SLC26A9: variants seen among roughly 807,000 people sequenced by gnomAD.
The protein encoded by SLC26A9 is solute carrier family 26 member 9.
A neutral mutation model predicts 87.1 loss-of-function variants in SLC26A9; 46 were observed. That is an observed-to-expected ratio of 0.53 (90% confidence interval 0.42 to 0.67). The LOEUF is 0.67. Ranked by LOEUF, SLC26A9 falls within the 30% of genes least tolerant of loss-of-function variation. The pLI, the probability that SLC26A9 is intolerant of heterozygous loss-of-function variation, is 0.00. For missense variants in SLC26A9, 927 were observed against 1,018.3 expected (o/e 0.91, Z 1.22); for synonymous variants, 437 against 409.1 (o/e 1.07, Z -0.82).
Position 205,914,838 on chromosome 1 carries a change from GAC to G in SLC26A9, c.*517_*518del. ...GGTCCCTGGGTGCAGAGCTGCCAGA[GAC>G]AGAGTTGAGGCAGCTGGGGAAGGCA... On this transcript the variant is annotated 3_prime_UTR_variant, in exon 21 of 21. Transcript: ENST00000367135. The G allele has an allele frequency of 2.6e-6, 4 of 1,564,770 alleles. No individual in the cohort carries two copies. In the South Asian group the frequency reaches 4.9e-5, roughly 19 times the overall value.
At position 205,914,775 on chromosome 1, in the gene SLC26A9, G is replaced by T; in HGVS notation, c.*582C>A. On this transcript the variant is annotated 3_prime_UTR_variant, in exon 21 of 21. Transcript: ENST00000367135. ...GGGGATGATGGAGGGGGGGCGCATA[G>T]TTACCAAGGCCTAGACTCCTGGGTG... 2 of 1,334,006 alleles carry T rather than the reference G, an allele frequency of 1.5e-6. No individual in the cohort carries two copies. The highest frequency in any genetic ancestry group is 2.1e-6 in the Non-Finnish European group (2 of 970,356). The allele number at this position is 1,334,006 out of a possible 1,614,324, so 82.6% of individuals were successfully genotyped here.
rs984183127 is a variant in SLC26A9 at position 205,932,695 on chromosome 1, G to A, written c.376+7C>T. On this transcript the variant is annotated splice_region_variant and intron_variant, in intron 4 of 20. Transcript: ENST00000367135. ...CATCCTGCCTGCCCAGAGGGGAGAG[G>A]CCTTACCTGGCACCATCTGGTGAAC... 1.3e-6 allele frequency: 2 copies of A among 1,555,816 alleles called. No individual in the cohort carries two copies.
chr1:205,917,020 G>A (rs1225482014), intron 20 of SLC26A9, among the ~76,000 whole-genome samples: 1 of 151,616 alleles, frequency 6.6e-6, no homozygotes, highest in Admixed American at 6.6e-5. Context: ...TGGAACCCGG[G>A]AGGCAGAGGT....
rs769507901 is a variant in SLC26A9 at position 205,915,151 on chromosome 1, G to A, written c.*206C>T. On this transcript the variant is annotated 3_prime_UTR_variant, in exon 21 of 21. Coordinates refer to ENST00000367135, the MANE Select transcript of SLC26A9 (RefSeq NM_052934.4). ...GCTCACCAGACTCTCACTCCTGTAA[G>A]GGTAGCACCCCCCTGCTGCTGAGAG... 12 of 1,613,194 alleles carry A rather than the reference G, an allele frequency of 7.4e-6. No homozygotes were observed. Among genetic ancestry groups the A allele is most frequent in the Non-Finnish European group, 1.0e-5 (12 of 1,179,362 alleles).
intron 20 of SLC26A9, among the ~76,000 whole-genome samples, chr1:205,916,487 C>T (rs1321959927): frequency 6.6e-6 from 1 of 152,240 alleles, no homozygotes; most frequent in African/African-American, 2.4e-5. Context: ...ACGTAAGTTT[C>T]TAAAAGGCAG....
Position 205,920,242 on chromosome 1 carries a change from G to A in SLC26A9, c.2056-12C>T. The A allele has an allele frequency of 6.2e-7, 1 of 1,613,964 alleles. No homozygotes were observed. The highest frequency in any genetic ancestry group is 1.3e-5 in the African/African-American group (1 of 75,056). On this transcript the variant is annotated splice_polypyrimidine_tract_variant and intron_variant, in intron 17 of 20. Transcript: ENST00000367135. ...TAGGTGGAGCTCAGCTAGAAGTGTTGTTGGGGTAGGGAGGCAAAAGGAAAG... is the reference window on the plus strand; with the variant it reads ...TAGGTGGAGCTCAGCTAGAAGTGTTATTGGGGTAGGGAGGCAAAAGGAAAG...
chr1:205,930,467 T>C (rs7512462), intron 5 of SLC26A9, among the ~76,000 whole-genome samples: 57,401 of 152,024 alleles, frequency 0.38, 11,545 homozygotes, highest in South Asian at 0.51. Flanking sequence ...CAGCCCCATC[T>C]CTTTCTCTAC....
At chr1:205,942,715 C>T (rs1373878916) in intron 1 of SLC26A9, among the ~76,000 whole-genome samples, 1 of 152,170 alleles carries the variant, frequency 6.6e-6, no homozygotes, top group Admixed American at 6.5e-5. Flanking sequence ...TTGAGTCGGG[C>T]GTCCCAGGTC....
In SLC26A9 at chr1:205,917,275, C is replaced by T; in HGVS notation, c.2328+8G>A. 6.2e-7 allele frequency: 1 copy of T among 1,613,968 alleles called. No individual in the cohort carries two copies. The highest frequency in any genetic ancestry group is 8.5e-7 in the Non-Finnish European group (1 of 1,179,952). On this transcript the variant is annotated splice_region_variant and intron_variant, in intron 20 of 20. Transcript: ENST00000367135. Reference sequence around the variant, plus strand: ...CTCCCACCCTCACAGCCCCTTCCCTCAGCTCACCTGCTCTAAGTCCCAGTA... The same window carrying T: ...CTCCCACCCTCACAGCCCCTTCCCTTAGCTCACCTGCTCTAAGTCCCAGTA...
chr1:205,931,457 C>A (rs574095850), intron 5 of SLC26A9, among the ~76,000 whole-genome samples: 1 of 84,298 alleles, frequency 1.2e-5, no homozygotes, highest in Non-Finnish European at 2.4e-5. Flanking sequence ...GAGGTGAGCC[C>A]TAACTTGGTT....
At chr1:205,917,220 A>G in intron 20 of SLC26A9, 63 bp downstream of exon 20, 2 of 1,565,100 alleles carry the variant, frequency 1.3e-6, no homozygotes, top group South Asian at 2.2e-5. Flanking sequence ...TGTATTTGAC[A>G]GCGACCCCAT....
chr1:205,928,692 A>G (rs1659180914), intron 8 of SLC26A9, 135 bp downstream of exon 8: 1 of 793,414 alleles, frequency 1.3e-6, no homozygotes, highest in South Asian at 1.7e-5. Context: ...GGTAATAGTA[A>G]TAATTCATAC....
intron 13 of SLC26A9, among the ~76,000 whole-genome samples, chr1:205,923,843 G>T (rs1009023687): frequency 6.6e-6 from 1 of 152,198 alleles, no homozygotes; most frequent in African/African-American, 2.4e-5. Flanking sequence ...AGACCACAGG[G>T]CAGGGGAGAG....
In SLC26A9 at chr1:205,934,905, A is replaced by T. The variant is rs140238775; in HGVS notation, c.125+791T>A. Among the ~76,000 whole-genome samples, 292 of 152,340 alleles carry T rather than the reference A, an allele frequency of 1.9e-3. 2 individuals are homozygous for T. Among genetic ancestry groups the T allele is most frequent in the African/African-American group, 6.7e-3 (280 of 41,580 alleles). ...GTGGGTGATTCCCCCGGCCTGAACC[A>T]GTTCCACCTGCGTCTCCACTTCAGC... On this transcript the variant is annotated intron_variant, in intron 2 of 20. Transcript: ENST00000367135.
At chr1:205,921,152 G>A (rs1658809775) in intron 17 of SLC26A9, among the ~76,000 whole-genome samples, 1 of 152,240 alleles carries the variant, frequency 6.6e-6, no homozygotes, top group Non-Finnish European at 1.5e-5. Context: ...GCCTGATGGT[G>A]TGGGGCACTG....
In SLC26A9 at chr1:205,928,749, T is replaced by C. The variant is rs1403498330; in HGVS notation, c.953+78A>G. ...CGACTGCACTTTCATAGAGTTCATC[T>C]TGTCTCCCTCTCCGAGCTCAGGCCT... is the stretch of plus-strand genomic sequence containing the variant. On this transcript the variant is annotated intron_variant, in intron 8 of 20. Coordinates refer to ENST00000367135, the MANE Select transcript of SLC26A9 (RefSeq NM_052934.4). 3.7e-6 allele frequency: 5 copies of C among 1,355,870 alleles called. No individual in the cohort carries two copies. In the African/African-American group the frequency reaches 5.7e-5, roughly 16 times the overall value. 84.0% of individuals were successfully genotyped at this position (1,355,870 alleles called of 1,614,324 possible).
rs368114995 is a variant in SLC26A9 at position 205,921,546 on chromosome 1, G to T, written c.2055+20C>A. On this transcript the variant is annotated intron_variant, in intron 17 of 20. Transcript: ENST00000367135. Reference sequence around the variant, plus strand: ...GGAGGGGGTGGAGTGGGTGGTGCTTGCTGTTCCCGAGGGCCTCACCTTGGC... The same window carrying T: ...GGAGGGGGTGGAGTGGGTGGTGCTTTCTGTTCCCGAGGGCCTCACCTTGGC... The T allele has an allele frequency of 1.3e-5, 21 of 1,597,746 alleles. No homozygotes were observed. In the African/African-American group the frequency reaches 2.7e-4, roughly 20 times the overall value.
rs774271017 is a variant in SLC26A9, at chr1:205,923,195, T to C, written c.1660A>G (p.Thr554Ala). Residue 554 changes from threonine to alanine, a missense_variant and splice_region_variant, in exon 16 of 21, where the codon ACA (threonine) becomes GCA (alanine). Physicochemically the swap from Thr to Ala is moderately conservative, Grantham distance 58. Coordinates refer to ENST00000367135, the MANE Select transcript of SLC26A9 (RefSeq NM_052934.4). ...EIFRQKVIAK[T>A]GMDPQKVLLA... is the part of the protein sequence containing the mutation. ...AATACTTTCTGGGGGTCCATGCCTG[T>C]CTGCAGGGAGAGAGCCAACAGCAAT... The C allele has an allele frequency of 6.2e-7, 1 of 1,614,124 alleles. No homozygotes were observed. Among genetic ancestry groups the C allele is most frequent in the Non-Finnish European group, 8.5e-7 (1 of 1,179,984 alleles).
At chr1:205,919,464 G>A (rs1658730582) in intron 18 of SLC26A9, among the ~76,000 whole-genome samples, 1 of 152,174 alleles carries the variant, frequency 6.6e-6, no homozygotes, top group South Asian at 2.1e-4. Flanking sequence ...TATCATAGCA[G>A]GTCATTGCCA....
Sources: allele counts gnomAD v4.1 joint callset (sites outside exome capture counted in the v4.1 genomes callset), GRCh38; gene constraint gnomAD v4.1.1; transcripts MANE v1.5; gene names NCBI Gene and HGNC (gene_info 2026-07-23, HGNC 2026-07-21).